The following DNAJB14 variants were observed in gnomAD, a reference collection of about 807,000 sequenced individuals.
DNAJB14 encodes the protein DnaJ heat shock protein family (Hsp40) member B14, also known as dnaJ homolog subfamily B member 14.
In DNAJB14, 22 loss-of-function variants were observed where a neutral mutation model predicts 48.4. The observed-to-expected ratio is 0.45, with a 90% CI of 0.32 to 0.65. DNAJB14 has a LOEUF of 0.65. Ranked by LOEUF, DNAJB14 falls within the 30% of genes least tolerant of loss-of-function variation. The probability of loss-of-function intolerance (pLI) is 0.03; values close to 1 mark genes in which losing one functional copy is unlikely to be tolerated. For synonymous variants in DNAJB14, 142 were observed against 158.7 expected, an observed-to-expected ratio of 0.89 and a Z score of 0.79; for missense variants, 319 against 458.8, an observed-to-expected ratio of 0.70 and a Z score of 2.78.
At chr4:99,902,332 C>T (rs576270644) in intron 7 of DNAJB14, among the ~76,000 whole-genome samples, 25 of 150,796 alleles carry the variant, frequency 1.7e-4, no homozygotes, top group Non-Finnish European at 3.1e-4. Context: ...TTTCCATTCC[C>T]ATCCCATGAT....
intron 3 of DNAJB14, among the ~76,000 whole-genome samples, chr4:99,915,264 A>C (rs1170243612): frequency 6.6e-6 from 1 of 152,054 alleles, no homozygotes; most frequent in Non-Finnish European, 1.5e-5. Flanking sequence ...CAGCCTCCCG[A>C]GTAGCTGGGA....
At position 99,899,871 on chromosome 4, in the gene DNAJB14, A is replaced by G. The variant is rs1222973396; in HGVS notation, c.*1157T>C. On this transcript the variant is annotated 3_prime_UTR_variant, in exon 8 of 8. Transcript: ENST00000442697. ...TTATTCCTATGGGATTAATTCAATT[A>G]CTCAATGGTAAATAGATTTTAGCTC... The G allele has an allele frequency of 3.3e-5, 5 of 152,040 alleles. No individual in the cohort carries two copies. The highest frequency in any genetic ancestry group is 4.8e-5 in the African/African-American group (2 of 41,340). The allele number at this position is 152,040 out of a possible 1,614,324, so 9.4% of individuals were successfully genotyped here.
intron 1 of DNAJB14, among the ~76,000 whole-genome samples, chr4:99,940,925 C>A (rs1401103992): frequency 6.6e-6 from 1 of 150,962 alleles, no homozygotes; most frequent in African/African-American, 2.4e-5. Flanking sequence ...ATTTTTGCTA[C>A]AGAGACAATC....
chr4:99,933,247 C>T (rs1726545385), intron 1 of DNAJB14, among the ~76,000 whole-genome samples: 1 of 150,246 alleles, frequency 6.7e-6, no homozygotes, highest in Non-Finnish European at 1.5e-5. Flanking sequence ...TATATACACA[C>T]ACTCAACTAG....
rs1725199790 is a variant in DNAJB14, at chr4:99,898,616, TAAAGCATTAATAA to T, written c.*2399_*2411del. On this transcript the variant is annotated 3_prime_UTR_variant, in exon 8 of 8. Coordinates refer to ENST00000442697, the MANE Select transcript of DNAJB14 (RefSeq NM_001031723.4). ...GTTTACACAAAAAGGGGTAAAAATG[TAAAGCATTAATAA>T]ATATAAGTGCTGCTAAACTGTTAGA... The T allele has an allele frequency of 6.6e-6, 1 of 151,896 alleles. No individual in the cohort carries two copies. The highest frequency in any genetic ancestry group is 2.4e-5 in the African/African-American group (1 of 41,408). 9.4% of individuals were successfully genotyped at this position (151,896 alleles called of 1,614,324 possible). A position where few individuals can be genotyped will look rare whatever the true frequency, so the allele number is the denominator to read the frequency against.
Position 99,903,907 on chromosome 4 carries a change from G to C in DNAJB14, c.843-9C>G, listed in dbSNP as rs767768727. On this transcript the variant is annotated splice_polypyrimidine_tract_variant and intron_variant, in intron 6 of 7. Coordinates refer to ENST00000442697, the MANE Select transcript of DNAJB14 (RefSeq NM_001031723.4). Reference sequence around the variant, plus strand: ...TAGTTTGCCCAGTTCCACTGTAAAAGAGATGCATCATTATTTTAATTAAAA... The same window carrying C: ...TAGTTTGCCCAGTTCCACTGTAAAACAGATGCATCATTATTTTAATTAAAA... 6.2e-7 allele frequency: 1 copy of C among 1,605,496 alleles called. No homozygotes were observed. Among genetic ancestry groups the C allele is most frequent in the Admixed American group, 1.7e-5 (1 of 57,392 alleles).
chr4:99,934,685 C>T (rs1198305029), intron 1 of DNAJB14, among the ~76,000 whole-genome samples: 3 of 144,632 alleles, frequency 2.1e-5, no homozygotes, highest in African/African-American at 7.6e-5. Context: ...CCCAGCTACC[C>T]GGGAGGCTGA....
At chr4:99,933,073 A>G (rs1263141354) in intron 1 of DNAJB14, among the ~76,000 whole-genome samples, 4 of 152,176 alleles carry the variant, frequency 2.6e-5, no homozygotes, top group African/African-American at 7.2e-5. Context: ...ATTGATTTCC[A>G]TAATTGTTGT....
At chr4:99,940,247 A>G (rs1209041333) in intron 1 of DNAJB14, among the ~76,000 whole-genome samples, 1 of 152,234 alleles carries the variant, frequency 6.6e-6, no homozygotes, top group Admixed American at 6.5e-5. Flanking sequence ...TTCACAAAAT[A>G]CAAATAGCTT....
chr4:99,932,070 T>G (rs1419992986), intron 1 of DNAJB14, among the ~76,000 whole-genome samples: 1 of 152,038 alleles, frequency 6.6e-6, no homozygotes, highest in Non-Finnish European at 1.5e-5. Flanking sequence ...TTTAAAACTC[T>G]TAGAAGAAAA....
chr4:99,924,095 C>A (rs532610870), intron 2 of DNAJB14, among the ~76,000 whole-genome samples: 2 of 152,194 alleles, frequency 1.3e-5, no homozygotes, highest in African/African-American at 4.8e-5. Flanking sequence ...TGGATGCCAA[C>A]CTTCTTCCAC....
chr4:99,904,005 GT>G, intron 6 of DNAJB14, 107 bp from the exon 7 acceptor site: 1 of 1,165,500 alleles, frequency 8.6e-7, no homozygotes, highest in Non-Finnish European at 1.2e-6. Flanking sequence ...GTTAATATTG[GT>G]AATACAGGTT....
chr4:99,930,587 C>A lies in DNAJB14; in HGVS notation c.168G>T (p.Thr56=), dbSNP rs1418406253. 12 of 1,610,886 alleles carry A rather than the reference C, an allele frequency of 7.4e-6. No individual in the cohort carries two copies. The highest frequency in any genetic ancestry group is 9.3e-6 in the Non-Finnish European group (11 of 1,178,410). The change falls in exon 2 of 8, where the codon ACG becomes ACT. Residue 56 remains threonine, a synonymous_variant. Transcript: ENST00000442697. ...TTCGGCAATGAGGGCTATTTCCAGC[C>A]GTGCTTCCATTTTTCATAATTATTT... ...LLEIIMKNGS[T]AGNSPHCRKP... is the part of the protein sequence containing the mutation.
chr4:99,939,479 A>G (rs541695127), intron 1 of DNAJB14, among the ~76,000 whole-genome samples: 49 of 152,316 alleles, frequency 3.2e-4, no homozygotes, highest in Non-Finnish European at 6.6e-4. Flanking sequence ...TAGCACAAAC[A>G]TGTTCTCCCA....
intron 1 of DNAJB14, among the ~76,000 whole-genome samples, chr4:99,945,968 G>A (rs1255039005): frequency 6.6e-6 from 1 of 152,180 alleles, no homozygotes; most frequent in Non-Finnish European, 1.5e-5. Context: ...GTTTGCTTTG[G>A]GAACAGTTTT....
intron 3 of DNAJB14, among the ~76,000 whole-genome samples, chr4:99,911,213 C>T (rs537921359): frequency 6.6e-6 from 1 of 152,254 alleles, no homozygotes; most frequent in East Asian, 1.9e-4. Context: ...TCCAGGTTGT[C>T]ATATATGCCA....
At chr4:99,903,517 C>T (rs1035744482) in intron 7 of DNAJB14, among the ~76,000 whole-genome samples, 1 of 151,924 alleles carries the variant, frequency 6.6e-6, no homozygotes, top group African/African-American at 2.4e-5. Flanking sequence ...TTATTGATAA[C>T]AATAGACAAG....
chr4:99,905,020 C>T (rs1374436401), intron 6 of DNAJB14, among the ~76,000 whole-genome samples: 1 of 151,412 alleles, frequency 6.6e-6, no homozygotes, highest in African/African-American at 2.4e-5. Flanking sequence ...TCTTTATATG[C>T]TTCTTATTTA....
At chr4:99,940,015 T>C (rs1726831898) in intron 1 of DNAJB14, among the ~76,000 whole-genome samples, 2 of 152,226 alleles carry the variant, frequency 1.3e-5, no homozygotes, top group African/African-American at 4.8e-5. Flanking sequence ...ACTGCTCTAC[T>C]AGGAGTTTTA....
Sources: allele counts gnomAD v4.1 joint callset (sites outside exome capture counted in the v4.1 genomes callset), GRCh38; gene constraint gnomAD v4.1.1; transcripts MANE v1.5; gene names NCBI Gene and HGNC (gene_info 2026-07-23, HGNC 2026-07-21).